MGMT: variants seen among roughly 807,000 people sequenced by gnomAD.
MGMT encodes the protein methylated-DNA--protein-cysteine methyltransferase.
In MGMT, 14 loss-of-function variants were observed where a neutral mutation model predicts 15.9. The ratio of observed to expected loss-of-function variants is 0.88; its 90% CI spans 0.58 to 1.37. MGMT has a LOEUF of 1.37. MGMT is among the 40% of genes most tolerant of loss of function. The probability of loss-of-function intolerance (pLI) is 0.00; values close to 1 mark genes in which losing one functional copy is unlikely to be tolerated. For synonymous variants in MGMT, 130 were observed against 118.2 expected (o/e 1.10, Z -0.65); for missense variants, 282 against 268.1 (o/e 1.05, Z -0.36).
chr10:129,734,849 A>G (rs1290939184), intron 3 of MGMT, among the ~76,000 whole-genome samples: 2 of 152,162 alleles, frequency 1.3e-5, no homozygotes, highest in Non-Finnish European at 2.9e-5. Flanking sequence ...TTCTGTTTAT[A>G]TGCTGGATTA....
intron 3 of MGMT, among the ~76,000 whole-genome samples, chr10:129,726,345 G>A (rs999370864): frequency 1.3e-5 from 2 of 152,124 alleles, no homozygotes; most frequent in East Asian, 1.9e-4. Context: ...CCACGTGCAG[G>A]TGGAGTCCAG....
At chr10:129,693,181 C>T (rs60363520) in intron 2 of MGMT, among the ~76,000 whole-genome samples, 4,816 of 152,192 alleles carry the variant, frequency 0.032, 160 homozygotes, top group African/African-American at 0.085. Flanking sequence ...AGAACTGATG[C>T]GAATACAAAC....
chr10:129,657,226 A>G (rs1847534189), intron 2 of MGMT, among the ~76,000 whole-genome samples: 1 of 152,122 alleles, frequency 6.6e-6, no homozygotes, highest in Non-Finnish European at 1.5e-5. Context: ...TGCTGGTTTT[A>G]AGTGCTTCGA....
intron 2 of MGMT, among the ~76,000 whole-genome samples, chr10:129,557,292 G>GT (rs1306679850): frequency 2.0e-5 from 3 of 152,104 alleles, no homozygotes; most frequent in Non-Finnish European, 4.4e-5. Context: ...CAATCTCCTT[G>GT]TTTAACTTCT....
chr10:129,675,215 G>C (rs1262337967), intron 2 of MGMT, among the ~76,000 whole-genome samples: 1 of 152,160 alleles, frequency 6.6e-6, no homozygotes, highest in African/African-American at 2.4e-5. Context: ...AGGGTGTCAG[G>C]AGGCCATTTG....
chr10:129,584,806 A>T (rs1846600239), intron 2 of MGMT, among the ~76,000 whole-genome samples: 1 of 152,180 alleles, frequency 6.6e-6, no homozygotes, highest in African/African-American at 2.4e-5. Context: ...ACGCTCCAGC[A>T]TGTGTCAGAA....
intron 1 of MGMT, among the ~76,000 whole-genome samples, chr10:129,489,732 T>C (rs1845448962): frequency 6.6e-6 from 1 of 152,214 alleles, no homozygotes; most frequent in Admixed American, 6.5e-5. Context: ...GCCATTAATA[T>C]TATAAATGGT....
chr10:129,770,037 C>T lies in MGMT; in HGVS notation c.*3040C>T, dbSNP rs7915289. ...CTTCTTACCCAGCAGAAACAGCTTA[C>T]TGAACACCCCTCGGGTGGCTGGATG... On this transcript the variant is annotated 3_prime_UTR_variant, in exon 5 of 5. Coordinates refer to ENST00000651593, the MANE Select transcript of MGMT (RefSeq NM_002412.5). Among the ~76,000 whole-genome samples, 4,584 of 152,248 alleles carry T rather than the reference C, an allele frequency of 0.03. 251 individuals are homozygous for T. The highest frequency in any genetic ancestry group is 0.11 in the African/African-American group (4,366 of 41,524).
At chr10:129,473,593 C>T (rs1589826266) in intron 1 of MGMT, among the ~76,000 whole-genome samples, 1 of 152,338 alleles carries the variant, frequency 6.6e-6, no homozygotes, top group East Asian at 1.9e-4. Flanking sequence ...TTGTGCCAGG[C>T]TGGCTTTGCA....
At chr10:129,494,287 A>G (rs1422733500) in intron 1 of MGMT, among the ~76,000 whole-genome samples, 1 of 152,154 alleles carries the variant, frequency 6.6e-6, no homozygotes, top group African/African-American at 2.4e-5. Context: ...AAAAAACCTC[A>G]GTCACCTGGG....
Position 129,766,686 on chromosome 10 carries a change from TTGG to T in MGMT, c.415-98_415-96del. On this transcript the variant is annotated intron_variant, in intron 4 of 4. Coordinates refer to ENST00000651593, the MANE Select transcript of MGMT (RefSeq NM_002412.5). The stretch of plus-strand genomic sequence containing the variant: ...GCCTGCCCCTGGCACAGGCCCCTGC[TTGG>T]TGGGCACAGGACTCCTGTCAGTCAG... 4 of 1,078,138 alleles carry T rather than the reference TTGG, an allele frequency of 3.7e-6. No individual in the cohort carries two copies. In the Admixed American group the frequency reaches 7.9e-5, roughly 21 times the overall value. The allele number at this position is 1,078,138 out of a possible 1,614,324, so 66.8% of individuals were successfully genotyped here. A position where few individuals can be genotyped will look rare whatever the true frequency, so the allele number is the denominator to read the frequency against.
intron 2 of MGMT, among the ~76,000 whole-genome samples, chr10:129,668,852 G>C (rs1306292456): frequency 6.6e-6 from 1 of 152,024 alleles, no homozygotes; most frequent in Non-Finnish European, 1.5e-5. Flanking sequence ...TGAAATTGTA[G>C]AGAAACATCT....
At chr10:129,604,469 A>G (rs1449616279) in intron 2 of MGMT, among the ~76,000 whole-genome samples, 1 of 152,178 alleles carries the variant, frequency 6.6e-6, no homozygotes, top group Non-Finnish European at 1.5e-5. Flanking sequence ...CAGTCGTGAA[A>G]ACGTGCTTTC....
At chr10:129,625,848 T>A (rs1477452029) in intron 2 of MGMT, among the ~76,000 whole-genome samples, 1 of 152,248 alleles carries the variant, frequency 6.6e-6, no homozygotes, top group Admixed American at 6.5e-5. Flanking sequence ...TCAAGTGCTC[T>A]ACCTTCAAGT....
intron 3 of MGMT, among the ~76,000 whole-genome samples, chr10:129,731,709 T>C (rs1004349387): frequency 6.6e-6 from 1 of 152,180 alleles, no homozygotes; most frequent in Non-Finnish European, 1.5e-5. Flanking sequence ...ACTTTTTAAA[T>C]GTATTAACTT....
chr10:129,615,186 G>C (rs1847009469), intron 2 of MGMT, among the ~76,000 whole-genome samples: 1 of 152,162 alleles, frequency 6.6e-6, no homozygotes, highest in African/African-American at 2.4e-5. Flanking sequence ...GTCATTTCCA[G>C]TTGTTTCTAA....
chr10:129,645,697 A>G (rs576798916), intron 2 of MGMT, among the ~76,000 whole-genome samples: 15 of 152,306 alleles, frequency 9.8e-5, no homozygotes, highest in Admixed American at 8.5e-4. Context: ...TGGGACCACC[A>G]GTGGCTCCCC....
At chr10:129,691,712 C>T (rs1251050662) in intron 2 of MGMT, among the ~76,000 whole-genome samples, 2 of 152,046 alleles carry the variant, frequency 1.3e-5, no homozygotes, top group Non-Finnish European at 2.9e-5. Context: ...CGAAGGTGCA[C>T]CCTGAGGCAG....
chr10:129,716,823 G>T (rs1848304167), intron 3 of MGMT, among the ~76,000 whole-genome samples: 3 of 152,344 alleles, frequency 2.0e-5, no homozygotes, highest in African/African-American at 7.2e-5. Flanking sequence ...ATTAGTTTGT[G>T]AATCGCATCC....
Sources: allele counts gnomAD v4.1 joint callset (sites outside exome capture counted in the v4.1 genomes callset), GRCh38; gene constraint gnomAD v4.1.1; transcripts MANE v1.5; gene names NCBI Gene and HGNC (gene_info 2026-07-23, HGNC 2026-07-21).